NUS1: variants seen among roughly 807,000 people sequenced by gnomAD.
The protein encoded by NUS1 is NUS1 dehydrodolichyl diphosphate synthase subunit.
For synonymous variants in NUS1, 135 were observed against 155.2 expected (o/e 0.87, Z 0.97); for missense variants, 292 against 382.9 (o/e 0.76, Z 1.98).
At chr6:117,682,646 G>T (rs911023702) in intron 1 of NUS1, among the ~76,000 whole-genome samples, 1 of 152,110 alleles carries the variant, frequency 6.6e-6, no homozygotes, top group African/African-American at 2.4e-5. Flanking sequence ...ATTATCCTTT[G>T]TTGAACTTTT....
chr6:117,681,607 G>A (rs1037262633), intron 1 of NUS1, among the ~76,000 whole-genome samples: 3 of 152,118 alleles, frequency 2.0e-5, no homozygotes, highest in South Asian at 2.1e-4. Flanking sequence ...CAGAGGTGCC[G>A]GAAATGTTGA....
At chr6:117,681,793 C>T (rs1218167139) in intron 1 of NUS1, among the ~76,000 whole-genome samples, 2 of 152,158 alleles carry the variant, frequency 1.3e-5, no homozygotes, top group African/African-American at 2.4e-5. Context: ...GTCCTCTTCA[C>T]CTTTTTCTGG....
chr6:117,688,915 C>G (rs1773178200), intron 1 of NUS1, among the ~76,000 whole-genome samples: 4 of 152,128 alleles, frequency 2.6e-5, no homozygotes. Flanking sequence ...TTTTACCTCA[C>G]TTATTTTTGT....
rs1773559252 is a variant in NUS1 at position 117,710,419 on chromosome 6, A to G, written c.*3404A>G. 1 of 152,270 alleles carries G rather than the reference A, an allele frequency of 6.6e-6. No individual in the cohort carries two copies. Among genetic ancestry groups the G allele is most frequent in the African/African-American group, 2.4e-5 (1 of 41,574 alleles). The allele number at this position is 152,270 out of a possible 1,614,324, so 9.4% of individuals were successfully genotyped here. ...GATCCTAACTGGTGGGACATAAACTATGATGCAATGGATAGGAAAAGGTAG... is the reference window on the plus strand; with the variant it reads ...GATCCTAACTGGTGGGACATAAACTGTGATGCAATGGATAGGAAAAGGTAG... On this transcript the variant is annotated 3_prime_UTR_variant, in exon 5 of 5. Coordinates refer to ENST00000368494, the MANE Select transcript of NUS1 (RefSeq NM_138459.5).
intron 1 of NUS1, among the ~76,000 whole-genome samples, chr6:117,679,882 A>G (rs576504061): frequency 1.8e-4 from 28 of 152,324 alleles, no homozygotes; most frequent in African/African-American, 6.7e-4. Flanking sequence ...TCACCTCTCA[A>G]TGAGAAAATG....
chr6:117,706,729 T>A (rs1283166961), intron 4 of NUS1, among the ~76,000 whole-genome samples, 196 bp from the exon 5 acceptor site: 1 of 152,128 alleles, frequency 6.6e-6, no homozygotes, highest in Non-Finnish European at 1.5e-5. Flanking sequence ...TATTTCCCAG[T>A]CAGTTCTGTC....
chr6:117,706,072 C>T lies in NUS1; in HGVS notation c.792-853C>T, dbSNP rs987693301. On this transcript the variant is annotated intron_variant, in intron 4 of 4. Transcript: ENST00000368494. ...CTTCTATTCTGACCAGGTGTTTGAC[C>T]CTGATACTATTTGGAATTCCCACAT... 8.5e-5 allele frequency among the ~76,000 whole-genome samples: 13 copies of T among 152,172 alleles called. No individual in the cohort carries two copies. The East Asian group carries it at 2.5e-3, about 29-fold the overall frequency.
intron 3 of NUS1, among the ~76,000 whole-genome samples, chr6:117,695,299 C>T (rs148486846): frequency 6.6e-6 from 1 of 151,790 alleles, no homozygotes; most frequent in East Asian, 1.9e-4. Flanking sequence ...GACATGTGTC[C>T]GTCACAGAGC....
At position 117,709,790 on chromosome 6, in the gene NUS1, A is replaced by G. The variant is rs1364714254; in HGVS notation, c.*2775A>G. ...TGAAACTTAACATGTATGAACAAAA[A>G]CCAATAAAAGAATATACTCTTTTCA... On this transcript the variant is annotated 3_prime_UTR_variant, in exon 5 of 5. Transcript: ENST00000368494. 1.3e-5 allele frequency: 2 copies of G among 152,588 alleles called. No homozygotes were observed. The highest frequency in any genetic ancestry group is 2.9e-5 in the Non-Finnish European group (2 of 67,984). The allele number at this position is 152,588 out of a possible 1,614,324, so 9.5% of individuals were successfully genotyped here.
At chr6:117,678,185 TAAGGA>T (rs1479988189) in intron 1 of NUS1, among the ~76,000 whole-genome samples, 1 of 152,164 alleles carries the variant, frequency 6.6e-6, no homozygotes, top group African/African-American at 2.4e-5. Context: ...AAAGGCACCT[TAAGGA>T]GCATTTTCAG....
chr6:117,692,324 C>T (rs997232392), intron 1 of NUS1, among the ~76,000 whole-genome samples: 6 of 152,132 alleles, frequency 3.9e-5, no homozygotes, highest in Admixed American at 6.5e-5. Flanking sequence ...AGAAAGCTGC[C>T]TCTGCAAATT....
At chr6:117,700,338 T>C (rs535954508) in intron 3 of NUS1, among the ~76,000 whole-genome samples, 1 of 152,340 alleles carries the variant, frequency 6.6e-6, no homozygotes, top group African/African-American at 2.4e-5. Flanking sequence ...AAGATCTGAA[T>C]AGATATTTCT....
chr6:117,687,485 AG>A (rs1460346623), intron 1 of NUS1, among the ~76,000 whole-genome samples: 1 of 152,130 alleles, frequency 6.6e-6, no homozygotes, highest in Non-Finnish European at 1.5e-5. Flanking sequence ...GGAGGGGTTG[AG>A]AGTGAGGGTA....
At chr6:117,690,537 A>G (rs1016967313) in intron 1 of NUS1, among the ~76,000 whole-genome samples, 1 of 151,970 alleles carries the variant, frequency 6.6e-6, no homozygotes, top group Non-Finnish European at 1.5e-5. Flanking sequence ...TAAGATCCCT[A>G]CTCACATTGG....
intron 3 of NUS1, among the ~76,000 whole-genome samples, chr6:117,701,466 G>A (rs1027155822): frequency 6.6e-5 from 10 of 152,008 alleles, no homozygotes; most frequent in African/African-American, 2.2e-4. Context: ...GGATGGTCCC[G>A]ATCTCCTGAC....
chr6:117,685,919 G>C (rs983151566), intron 1 of NUS1, among the ~76,000 whole-genome samples: 1 of 150,390 alleles, frequency 6.6e-6, no homozygotes, highest in Non-Finnish European at 1.5e-5. Flanking sequence ...CCGAGATCGC[G>C]CCATTGCACT....
chr6:117,685,387 T>G (rs1215784309), intron 1 of NUS1, among the ~76,000 whole-genome samples: 4 of 151,976 alleles, frequency 2.6e-5, no homozygotes, highest in Non-Finnish European at 4.4e-5. Context: ...TTTCTTTCTT[T>G]TTTTTTTTAG....
chr6:117,677,783 C>A (rs1773004989), intron 1 of NUS1, among the ~76,000 whole-genome samples: 1 of 152,180 alleles, frequency 6.6e-6, no homozygotes, highest in South Asian at 2.1e-4. Context: ...AAGAACTCAG[C>A]AGACCAATAG....
At chr6:117,701,862 A>G (rs769271638) in intron 3 of NUS1, among the ~76,000 whole-genome samples, 4 of 151,650 alleles carry the variant, frequency 2.6e-5, no homozygotes, top group Non-Finnish European at 5.9e-5. Flanking sequence ...TTTTTATTTA[A>G]TTTTTTAGTC....
Sources: gnomAD v4.1 joint callset for allele counts (sites outside exome capture counted in the v4.1 genomes callset) on GRCh38, gnomAD v4.1.1 for gene constraint, MANE v1.5 for transcripts, NCBI Gene and HGNC (gene_info 2026-07-23, HGNC 2026-07-21) for gene names.